Variants in DNAH2 observed in about 807,000 individuals in gnomAD.
DNAH2 encodes dynein axonemal heavy chain 2, also known as axonemal beta dynein heavy chain 2.
Under a neutral mutation model 523.5 loss-of-function variants are expected in DNAH2, and 323 were observed. The ratio of observed to expected loss-of-function variants is 0.62; its 90% CI spans 0.56 to 0.68. The LOEUF is 0.68. DNAH2 is among the 30% of genes least tolerant of loss of function. The pLI, the probability that DNAH2 is intolerant of heterozygous loss-of-function variation, is 0.00. For synonymous variants in DNAH2, 2,093 were observed against 2,177.4 expected, an observed-to-expected ratio of 0.96 and a Z score of 1.08; for missense variants, 4,907 against 5,701.5, an observed-to-expected ratio of 0.86 and a Z score of 4.49.
In DNAH2 at chr17:7,763,227, C is replaced by T. The variant is rs190021296; in HGVS notation, c.2979-604C>T. On this transcript the variant is annotated intron_variant, in intron 18 of 85. Coordinates refer to ENST00000572933, the MANE Select transcript of DNAH2 (RefSeq NM_020877.5). The stretch of plus-strand genomic sequence containing the variant: ...AGGCTGGAGTGCAGTGGCGCGATCT[C>T]GGCTTACTGCAAGCTCCGCCTCCCA... 4.4e-3 allele frequency among the ~76,000 whole-genome samples: 672 copies of T among 152,012 alleles called. 2 individuals are homozygous for T. The highest frequency in any genetic ancestry group is 6.9e-3 in the Non-Finnish European group (472 of 67,944).
intron 56 of DNAH2, 126 bp downstream of exon 56, chr17:7,799,368 T>G: frequency 7.4e-7 from 1 of 1,357,834 alleles, no homozygotes; most frequent in Non-Finnish European, 1.0e-6. Context: ...CTCACCCATC[T>G]CCTTTCCTTA....
intron 44 of DNAH2, among the ~76,000 whole-genome samples, chr17:7,790,528 T>C (rs556585040): frequency 7.2e-5 from 11 of 152,278 alleles, no homozygotes; most frequent in Non-Finnish European, 1.3e-4. Context: ...GGCCACATTT[T>C]ACATTTTAAT....
At position 7,814,481 on chromosome 17, in the gene DNAH2, C is replaced by T. The variant is rs1597745720; in HGVS notation, c.9730-2090C>T. Among the ~76,000 whole-genome samples, 4 of 152,120 alleles carry T rather than the reference C, an allele frequency of 2.6e-5. 1 individual carries two copies. The highest frequency in any genetic ancestry group is 3.4e-3 in the Middle Eastern group (1 of 294). On this transcript the variant is annotated intron_variant, in intron 63 of 85. Coordinates refer to ENST00000572933, the MANE Select transcript of DNAH2 (RefSeq NM_020877.5). The stretch of plus-strand genomic sequence containing the variant: ...AATAATTTTTAAAAATTTAAAGCTC[C>T]AACGAGATTAGCATACTTTAAAAAT...
Position 7,764,327 on chromosome 17 carries a change from G to C in DNAH2, c.3336+54G>C, listed in dbSNP as rs559974023. 5.0e-5 allele frequency: 77 copies of C among 1,552,998 alleles called. 1 individual carries two copies. The East Asian group carries it at 6.3e-4, about 13-fold the overall frequency. On this transcript the variant is annotated intron_variant, in intron 20 of 85. Coordinates refer to ENST00000572933, the MANE Select transcript of DNAH2 (RefSeq NM_020877.5). Reference sequence around the variant, plus strand: ...GGGACCCGTATCAGCAGCAGATTGCGGGGGAGGCCCTTGGCTGTCCTCGGG... The same window carrying C: ...GGGACCCGTATCAGCAGCAGATTGCCGGGGAGGCCCTTGGCTGTCCTCGGG...
intron 12 of DNAH2, among the ~76,000 whole-genome samples, chr17:7,756,844 T>G (rs1258055973): frequency 6.6e-6 from 1 of 151,862 alleles, no homozygotes; most frequent in Non-Finnish European, 1.5e-5. Flanking sequence ...CTAATTTTTG[T>G]ATTTTTTGTA....
chr17:7,798,955 GT>G lies in DNAH2; in HGVS notation c.8560-147del. The G allele has an allele frequency of 4.1e-6, 5 of 1,220,178 alleles. No homozygotes were observed. Among genetic ancestry groups the G allele is most frequent in the South Asian group, 2.9e-5 (2 of 68,928 alleles). The allele number at this position is 1,220,178 out of a possible 1,614,324, so 75.6% of individuals were successfully genotyped here. The stretch of plus-strand genomic sequence containing the variant: ...AGCTTGTAGTTCCAGCTACTCGGGG[GT>G]GGGGGGTGCTGAAGTGGGAGGATGG... On this transcript the variant is annotated intron_variant, in intron 55 of 85. Coordinates refer to ENST00000572933, the MANE Select transcript of DNAH2 (RefSeq NM_020877.5). This position sits in a 1 kb window ranked among gnomAD's most constrained non-coding sequence, Gnocchi z 5.5.
intron 63 of DNAH2, among the ~76,000 whole-genome samples, chr17:7,811,135 G>C (rs1000818040): frequency 1.3e-5 from 2 of 151,928 alleles, no homozygotes; most frequent in South Asian, 4.2e-4. Flanking sequence ...CCCTAAGGTT[G>C]AACATTCAGA....
chr17:7,817,665 C>T lies in DNAH2; in HGVS notation c.10125C>T (p.Asp3375=), dbSNP rs370664116. 2.0e-4 allele frequency: 322 copies of T among 1,614,020 alleles called. No individual in the cohort carries two copies. The Middle Eastern group carries it at 4.9e-3, about 25-fold the overall frequency. Residue 3375 remains aspartate, a synonymous_variant, in exon 66 of 86, where the codon GAC becomes GAT. Transcript: ENST00000572933. The part of the protein sequence containing the change: ...RDWNIQGLPS[D]AFSTENGIIV... ...GGAACATCCAAGGGTTGCCCTCAGA[C>T]GCCTTCTCCACTGAGAATGGCATCA...
rs1481840433 is a variant in DNAH2, at chr17:7,736,938, CGCCATTGCACTCCA to C, written c.979-125_979-112del. On this transcript the variant is annotated intron_variant, in intron 7 of 85. Coordinates refer to ENST00000572933, the MANE Select transcript of DNAH2 (RefSeq NM_020877.5). ...CGGAGGTTGCAGTGAGCTGAGATCG[CGCCATTGCACTCCA>C]GCCCGGGTGACAAGAGTAAAACTCC... The C allele has an allele frequency of 6.0e-5, 48 of 804,482 alleles. No homozygotes were observed. In the Admixed American group the frequency reaches 1.4e-3, roughly 23 times the overall value. 49.8% of individuals were successfully genotyped at this position (804,482 alleles called of 1,614,324 possible).
intron 11 of DNAH2, 28 bp from the exon 12 acceptor site, chr17:7,742,900 T>C (rs1195325705): frequency 2.1e-6 from 3 of 1,418,176 alleles, no homozygotes; most frequent in Non-Finnish European, 2.8e-6. Flanking sequence ...GCAGGCCGAC[T>C]CCACCCACCT....
At chr17:7,825,442 CATT>C (rs2077992439) in intron 77 of DNAH2, among the ~76,000 whole-genome samples, 2 of 152,204 alleles carry the variant, frequency 1.3e-5, no homozygotes, top group Admixed American at 1.3e-4. Context: ...TGCCTTTCAT[CATT>C]ATTAATCCTC....
rs747024220 is a variant in DNAH2 at position 7,737,189 on chromosome 17, C to T, written c.1101C>T (p.Leu367=). ...ISSKLPKLIS[L]IRIIWVNSPH... is the part of the protein sequence containing the mutation. The stretch of plus-strand genomic sequence containing the variant: ...GCAAGCTCCCTAAGCTGATCAGTCT[C>T]ATCCGCATCATCTGGGTCAACTCTC... The change falls in exon 8 of 86, where the codon CTC becomes CTT. Residue 367 remains leucine, a synonymous_variant. Coordinates refer to ENST00000572933, the MANE Select transcript of DNAH2 (RefSeq NM_020877.5). 3.1e-6 allele frequency: 5 copies of T among 1,614,028 alleles called. No homozygotes were observed. The highest frequency in any genetic ancestry group is 1.7e-5 in the Admixed American group (1 of 59,998).
intron 77 of DNAH2, 56 bp from the exon 78 acceptor site, chr17:7,830,244 G>A: frequency 6.5e-7 from 1 of 1,529,114 alleles, no homozygotes; most frequent in Non-Finnish European, 8.8e-7. Context: ...GGCAGTGCTA[G>A]TGGCAGGTCT....
chr17:7,831,092 A>G lies in DNAH2; in HGVS notation c.12237A>G (p.Ser4079=). 1 of 1,613,244 alleles carries G rather than the reference A, an allele frequency of 6.2e-7. No homozygotes were observed. The highest frequency in any genetic ancestry group is 8.5e-7 in the Non-Finnish European group (1 of 1,179,966). ...QSLSTPFHRL[S]ALETYFIPKD... ...TTATGCTATGACTCCCTAGGTTGTC[A>G]GCACTGGAGACTTATTTCATCCCCA... Residue 4079 remains serine, a synonymous_variant, in exon 80 of 86, where the codon TCA becomes TCG. Transcript: ENST00000572933. This position sits in a 1 kb window ranked among gnomAD's most constrained non-coding sequence, Gnocchi z 4.2.
At chr17:7,794,079 C>T (rs939379526) in intron 48 of DNAH2, among the ~76,000 whole-genome samples, 175 bp from the exon 49 acceptor site, 5 of 152,214 alleles carry the variant, frequency 3.3e-5, no homozygotes, top group South Asian at 2.1e-4. Context: ...CCTTCTCTTC[C>T]CCTCCCCCTG....
intron 4 of DNAH2, among the ~76,000 whole-genome samples, chr17:7,729,820 A>G (rs917618015): frequency 6.6e-6 from 1 of 152,220 alleles, no homozygotes; most frequent in African/African-American, 2.4e-5. Context: ...CTTAGGCCAA[A>G]GAAAAGTGAA....
chr17:7,734,324 G>A (rs1052257284), intron 6 of DNAH2, 31 bp downstream of exon 6: 1 of 1,606,418 alleles, frequency 6.2e-7, no homozygotes. Flanking sequence ...GCATCACCTG[G>A]CGATCACAGG....
At chr17:7,799,980 C>G (rs576529992) in intron 56 of DNAH2, among the ~76,000 whole-genome samples, 2 of 152,354 alleles carry the variant, frequency 1.3e-5, no homozygotes, top group African/African-American at 4.8e-5. Context: ...GCTCCCCATT[C>G]CCTCCCCAGC....
intron 3 of DNAH2, among the ~76,000 whole-genome samples, 186 bp downstream of exon 3, chr17:7,723,875 C>A (rs1187931142): frequency 6.6e-6 from 1 of 152,130 alleles, no homozygotes; most frequent in African/African-American, 2.4e-5. Flanking sequence ...GTGCCTTCGC[C>A]AGGACAGAGG....
Sources: gnomAD v4.1 joint callset for allele counts (sites outside exome capture counted in the v4.1 genomes callset) on GRCh38, gnomAD v4.1.1 for gene constraint, Gnocchi (gnomAD v3.1) non-coding constraint, MANE v1.5 for transcripts, NCBI Gene and HGNC (gene_info 2026-07-23, HGNC 2026-07-21) for gene names.